The following PRKCE variants were observed in gnomAD, a reference collection of about 807,000 sequenced individuals.
PRKCE encodes the protein protein kinase C epsilon.
A neutral mutation model predicts 85.4 loss-of-function variants in PRKCE; 16 were observed. That is an observed-to-expected ratio of 0.19 (90% CI 0.13 to 0.28). The LOEUF (loss-of-function observed/expected upper bound fraction) is 0.28. Among genes scored for constraint, PRKCE ranks in the 10% least tolerant of loss-of-function variants. The pLI, the probability that PRKCE is intolerant of heterozygous loss-of-function variation, is 1.00. For missense variants in PRKCE, 573 were observed against 975.2 expected (o/e 0.59, Z 5.49); for synonymous variants, 388 against 371.5 (o/e 1.04, Z -0.51).
chr2:45,976,885 G>GTA (rs1702495811), intron 3 of PRKCE, among the ~76,000 whole-genome samples: 1 of 148,930 alleles, frequency 6.7e-6, no homozygotes, highest in Non-Finnish European at 1.5e-5. Context: ...GTGTGTGTGT[G>GTA]TGTGTGTGTG....
At chr2:46,176,587 T>C (rs766119460) in intron 14 of PRKCE, among the ~76,000 whole-genome samples, 2 of 152,212 alleles carry the variant, frequency 1.3e-5, no homozygotes, top group East Asian at 1.9e-4. Context: ...TAGTAATCAC[T>C]TGAAGCAATT....
At chr2:45,801,596 C>T (rs1687874837) in intron 1 of PRKCE, among the ~76,000 whole-genome samples, 1 of 152,092 alleles carries the variant, frequency 6.6e-6, no homozygotes, top group South Asian at 2.1e-4. Flanking sequence ...AGTCAGGCTT[C>T]AAGATGCTGG....
Position 46,085,267 on chromosome 2 carries a change from C to A in PRKCE, c.1438-941C>A, listed in dbSNP as rs61758300. 6.0e-3 allele frequency among the ~76,000 whole-genome samples: 912 copies of A among 152,262 alleles called. 8 individuals carry two copies. The highest frequency in any genetic ancestry group is 0.02 in the African/African-American group (844 of 41,538). ...TGAGGGCTGCCTTGCAGGAGGAAAC[C>A]ATAGGGGATCCTGGAAGGAATATCC... On this transcript the variant is annotated intron_variant, in intron 10 of 14. Transcript: ENST00000306156.
chr2:46,048,096 T>C (rs1708635388), intron 10 of PRKCE, among the ~76,000 whole-genome samples: 1 of 149,062 alleles, frequency 6.7e-6, no homozygotes, highest in Admixed American at 6.6e-5. Context: ...CAAATGAGCC[T>C]GCCTGCCACC....
chr2:45,968,660 T>G (rs560031906), intron 2 of PRKCE, among the ~76,000 whole-genome samples: 4 of 152,222 alleles, frequency 2.6e-5, no homozygotes, highest in Admixed American at 1.3e-4. Context: ...AGAAATTATC[T>G]GCTGAATATT....
intron 11 of PRKCE, among the ~76,000 whole-genome samples, chr2:46,088,072 G>A (rs1042060257): frequency 1.3e-5 from 2 of 152,118 alleles, no homozygotes; most frequent in African/African-American, 4.8e-5. Context: ...CATAACCCCA[G>A]TAGTGATATC....
intron 1 of PRKCE, among the ~76,000 whole-genome samples, chr2:45,665,676 G>A (rs1224399125): frequency 6.6e-6 from 1 of 152,188 alleles, no homozygotes; most frequent in African/African-American, 2.4e-5. Flanking sequence ...AGTTAAATTT[G>A]AATTGCAGGT....
In PRKCE at chr2:46,186,085, C is replaced by T. The variant is rs893304598; in HGVS notation, c.*1204C>T. On this transcript the variant is annotated 3_prime_UTR_variant, in exon 15 of 15. Transcript: ENST00000306156. ...AACTGACAATGTCGCAAGATGTACT[C>T]AGTTTTGTTTCTGTGTGACATGCAA... The T allele has an allele frequency of 1.3e-5, 2 of 152,626 alleles. No individual in the cohort carries two copies. The highest frequency in any genetic ancestry group is 2.4e-5 in the African/African-American group (1 of 41,454). The allele number at this position is 152,626 out of a possible 1,614,324, so 9.5% of individuals were successfully genotyped here. A position where few individuals can be genotyped will look rare whatever the true frequency, so the allele number is the denominator to read the frequency against.
At chr2:45,967,962 CCACAGCA>C (rs1701843318) in intron 2 of PRKCE, among the ~76,000 whole-genome samples, 1 of 152,144 alleles carries the variant, frequency 6.6e-6, no homozygotes, top group African/African-American at 2.4e-5. Context: ...AAAGAAGACC[CCACAGCA>C]CACCTGCCTG....
chr2:45,896,125 G>T (rs1189888587), intron 2 of PRKCE, among the ~76,000 whole-genome samples: 2 of 152,194 alleles, frequency 1.3e-5, no homozygotes, highest in East Asian at 1.9e-4. Flanking sequence ...TGCCTTGTCC[G>T]AGTCAGTTAA....
chr2:46,034,462 C>A (rs1269474929), intron 10 of PRKCE, among the ~76,000 whole-genome samples: 1 of 152,240 alleles, frequency 6.6e-6, no homozygotes, highest in Non-Finnish European at 1.5e-5. Context: ...GTCGGAGTAT[C>A]TTCCATTCCA....
intron 2 of PRKCE, among the ~76,000 whole-genome samples, chr2:45,951,739 G>T (rs554314882): frequency 2.0e-4 from 31 of 152,254 alleles, no homozygotes; most frequent in Non-Finnish European, 4.0e-4. Context: ...CATCCTCTGA[G>T]TTTGTGCCAA....
intron 11 of PRKCE, among the ~76,000 whole-genome samples, chr2:46,105,287 A>G (rs1021882698): frequency 5.5e-4 from 84 of 152,046 alleles, no homozygotes; most frequent in African/African-American, 1.8e-3. Flanking sequence ...CCCTTCTTGA[A>G]TCATATTAGA....
chr2:45,980,410 G>T (rs753708376), intron 5 of PRKCE, 29 bp downstream of exon 5: 2 of 1,593,480 alleles, frequency 1.3e-6, no homozygotes, highest in East Asian at 2.2e-5. Context: ...GAAATTCTGG[G>T]CTTCTTCACC....
chr2:45,993,658 C>G (rs1022187218), intron 6 of PRKCE, among the ~76,000 whole-genome samples: 3 of 152,134 alleles, frequency 2.0e-5, no homozygotes, highest in South Asian at 2.1e-4. Context: ...CAACTTGGCT[C>G]TTTTATTCTC....
intron 10 of PRKCE, among the ~76,000 whole-genome samples, chr2:46,034,554 C>A (rs1707737882): frequency 6.6e-6 from 1 of 152,234 alleles, no homozygotes; most frequent in South Asian, 2.1e-4. Context: ...TTGGCTGCTT[C>A]CTTCCGAAGA....
chr2:46,039,406 T>G (rs968368771), intron 10 of PRKCE, among the ~76,000 whole-genome samples: 106 of 152,286 alleles, frequency 7.0e-4, no homozygotes, highest in African/African-American at 2.5e-3. Flanking sequence ...CCATTGGGGT[T>G]TCAGATCTCC....
chr2:46,137,432 T>C (rs1675107319), intron 11 of PRKCE, among the ~76,000 whole-genome samples: 1 of 152,156 alleles, frequency 6.6e-6, no homozygotes, highest in African/African-American at 2.4e-5. Flanking sequence ...CAAATTATTC[T>C]AGACACATTG....
intron 2 of PRKCE, among the ~76,000 whole-genome samples, chr2:45,852,412 G>A (rs180764950): frequency 6.6e-6 from 1 of 152,196 alleles, no homozygotes; most frequent in East Asian, 1.9e-4. Context: ...TGTAGTTCCT[G>A]CTCCATAATT....
Sources: gnomAD v4.1 joint callset for allele counts (sites outside exome capture counted in the v4.1 genomes callset) on GRCh38, gnomAD v4.1.1 for gene constraint, MANE v1.5 for transcripts, NCBI Gene and HGNC (gene_info 2026-07-23, HGNC 2026-07-21) for gene names.